UNC80: variants seen among roughly 807,000 people sequenced by gnomAD.
UNC80 encodes the protein protein unc-80 homolog.
In UNC80, 164 loss-of-function variants were observed where a neutral mutation model predicts 384.6. That is an observed-to-expected ratio of 0.43 (90% CI 0.38 to 0.49). The LOEUF is 0.49. Among genes scored for constraint, UNC80 ranks in the 20% least tolerant of loss-of-function variants. UNC80 has a pLI of 0.00. For synonymous variants in UNC80, 1,486 were observed against 1,527.8 expected, an observed-to-expected ratio of 0.97 and a Z score of 0.64; for missense variants, 3,330 against 4,143.0, an observed-to-expected ratio of 0.80 and a Z score of 5.39.
intron 61 of UNC80, among the ~76,000 whole-genome samples, chr2:209,988,656 A>G (rs768195148): frequency 2.6e-5 from 4 of 152,194 alleles, no homozygotes; most frequent in Non-Finnish European, 5.9e-5. Flanking sequence ...CATTATACTG[A>G]TATAGGAGAG....
At chr2:209,979,272 A>C (rs373246406) in intron 59 of UNC80, among the ~76,000 whole-genome samples, 67 of 150,744 alleles carry the variant, frequency 4.4e-4, no homozygotes, top group African/African-American at 1.5e-3. Context: ...CCTATCTAAA[A>C]ACTCCTAAAT....
intron 7 of UNC80, chr2:209,809,025 A>C: frequency 5.3e-6 from 2 of 378,378 alleles, no homozygotes; most frequent in South Asian, 2.3e-5. Flanking sequence ...GACTCCCCCA[A>C]GAGAGTTTCA....
At chr2:209,860,889 C>CATTG (rs1406219526) in intron 22 of UNC80, among the ~76,000 whole-genome samples, 3 of 152,192 alleles carry the variant, frequency 2.0e-5, no homozygotes, top group Admixed American at 2.0e-4. Context: ...GATTTTTGCA[C>CATTG]ATTGATTTTC....
chr2:209,939,754 T>C (rs2091504032), intron 43 of UNC80, 102 bp downstream of exon 43: 3 of 1,122,232 alleles, frequency 2.7e-6, no homozygotes, highest in Middle Eastern at 3.1e-4. Flanking sequence ...TTAGGGTACA[T>C]GTGCTCAACG....
chr2:209,850,640 C>T (rs1451280934), intron 22 of UNC80, among the ~76,000 whole-genome samples: 1 of 152,122 alleles, frequency 6.6e-6, no homozygotes, highest in African/African-American at 2.4e-5. Flanking sequence ...TATAATCACC[C>T]AAAATGATTG....
intron 23 of UNC80, among the ~76,000 whole-genome samples, chr2:209,876,636 A>G (rs1021625440): frequency 6.6e-6 from 1 of 152,180 alleles, no homozygotes; most frequent in African/African-American, 2.4e-5. Context: ...GCTCCATTCC[A>G]GACTCATAAT....
chr2:209,782,449 T>C (rs551179689), intron 4 of UNC80, among the ~76,000 whole-genome samples: 1 of 152,288 alleles, frequency 6.6e-6, no homozygotes, highest in Admixed American at 6.5e-5. Flanking sequence ...GAGATCCATC[T>C]TTCCCTCTTT....
intron 45 of UNC80, 58 bp from the exon 46 acceptor site, chr2:209,944,993 C>A: frequency 6.6e-7 from 1 of 1,524,732 alleles, no homozygotes; most frequent in Non-Finnish European, 8.8e-7. Context: ...GAATTCCTGT[C>A]AAGTTATAGT....
At chr2:209,846,741 G>A (rs2082200341) in intron 21 of UNC80, among the ~76,000 whole-genome samples, 1 of 152,040 alleles carries the variant, frequency 6.6e-6, no homozygotes, top group African/African-American at 2.4e-5. Flanking sequence ...TAATCGTTAT[G>A]TCTAAGGAAG....
intron 39 of UNC80, among the ~76,000 whole-genome samples, chr2:209,935,470 A>T (rs1364166848): frequency 1.3e-5 from 2 of 152,058 alleles, no homozygotes; most frequent in African/African-American, 2.4e-5. Flanking sequence ...AAAAATAAAA[A>T]TTTTTTAAAA....
intron 21 of UNC80, 148 bp from the exon 22 acceptor site, chr2:209,849,303 G>C (rs1387088750): frequency 5.4e-6 from 4 of 747,640 alleles, no homozygotes; most frequent in East Asian, 2.7e-5. Flanking sequence ...CAAACATTAG[G>C]GTGGAGAGCA....
At chr2:209,813,515 A>G in intron 7 of UNC80, 65 bp from the exon 8 acceptor site, 2 of 1,486,510 alleles carry the variant, frequency 1.3e-6, no homozygotes, top group South Asian at 1.3e-5. Context: ...GCTATAAGCC[A>G]TGCTGTGCTG....
rs769178932 is a variant in UNC80 at position 209,776,106 on chromosome 2, A to G, written c.298+61A>G. On this transcript the variant is annotated intron_variant, in intron 3 of 64. Coordinates refer to ENST00000673920, the MANE Select transcript of UNC80 (RefSeq NM_001371986.1). Reference sequence around the variant, plus strand: ...TTGCCCTTTGTGTTCAACACTCATCATAATAACCTGTACTGAGTAGTTTCT... The same window carrying G: ...TTGCCCTTTGTGTTCAACACTCATCGTAATAACCTGTACTGAGTAGTTTCT... The G allele has an allele frequency of 4.7e-4, 757 of 1,604,244 alleles. 1 individual carries two copies. The highest frequency in any genetic ancestry group is 7.4e-4 in the South Asian group (66 of 89,140).
At chr2:209,822,414 T>C (rs2080202133) in intron 13 of UNC80, among the ~76,000 whole-genome samples, 1 of 152,136 alleles carries the variant, frequency 6.6e-6, no homozygotes, top group Non-Finnish European at 1.5e-5. Flanking sequence ...AACAAACAAA[T>C]ACAAGTTATA....
chr2:209,953,217 A>T (rs2092267220), intron 47 of UNC80, among the ~76,000 whole-genome samples: 1 of 152,054 alleles, frequency 6.6e-6, no homozygotes, highest in Admixed American at 6.5e-5. Flanking sequence ...CAAGAGTTTG[A>T]GACCAGCCTG....
chr2:209,789,562 G>A lies in UNC80; in HGVS notation c.755G>A (p.Ser252Asn). The A allele has an allele frequency of 6.2e-7, 1 of 1,613,584 alleles. No individual in the cohort carries two copies. The highest frequency in any genetic ancestry group is 1.1e-5 in the South Asian group (1 of 91,054). ...AKRSSPINSQ[S>N]RTCESPNQDA... Reference sequence around the variant, plus strand: ...AGAAGTTCTCCTATCAACAGTCAAAGCCGGACCTGTGAATCACCAAATCAA... The same window carrying A: ...AGAAGTTCTCCTATCAACAGTCAAAACCGGACCTGTGAATCACCAAATCAA... The change falls in exon 6 of 65, where the codon AGC (serine) becomes AAC (asparagine). Residue 252 changes from serine to asparagine, a missense_variant. This residue lies in a region of UNC80 where 937 missense variants were observed against 1,026.8 expected (regional missense o/e 0.91). Transcript: ENST00000673920.
chr2:209,808,471 G>A (rs1262024853), intron 7 of UNC80, among the ~76,000 whole-genome samples: 1 of 151,130 alleles, frequency 6.6e-6, no homozygotes, highest in East Asian at 2.0e-4. Context: ...ATTGAGGCAG[G>A]AGAATCACTT....
chr2:209,886,348 T>TGG (rs1311806337), intron 25 of UNC80, among the ~76,000 whole-genome samples: 2 of 151,650 alleles, frequency 1.3e-5, no homozygotes, highest in East Asian at 3.9e-4. Flanking sequence ...GAGGCTGAGG[T>TGG]GGGAGGATCA....
chr2:209,942,855 T>TACACACAC (rs10584249), intron 44 of UNC80, among the ~76,000 whole-genome samples: 234 of 145,782 alleles, frequency 1.6e-3, no homozygotes, highest in African/African-American at 5.9e-3. Context: ...CACTCTTTCC[T>TACACACAC]ACACACACAC....
Sources: allele counts gnomAD v4.1 joint callset (sites outside exome capture counted in the v4.1 genomes callset), GRCh38; gene constraint gnomAD v4.1.1; regional missense constraint gnomAD v4.1.1; transcripts MANE v1.5; gene names NCBI Gene and HGNC (gene_info 2026-07-23, HGNC 2026-07-21).